LMBR1: variants seen among roughly 807,000 people sequenced by gnomAD.
The protein encoded by LMBR1 is limb development membrane protein 1.
LMBR1 carries 52 observed loss-of-function variants against 73.9 expected under a neutral mutation model. That is an observed-to-expected ratio of 0.70 (90% CI 0.56 to 0.89). The LOEUF (loss-of-function observed/expected upper bound fraction) is 0.89. Among genes scored for constraint, LMBR1 ranks in the 40% least tolerant of loss-of-function variants. The pLI is 0.00. For synonymous variants in LMBR1, 215 were observed against 209.4 expected (o/e 1.03, Z -0.23); for missense variants, 539 against 579.8 (o/e 0.93, Z 0.72).
At chr7:156,887,138 T>C (rs11765003) in intron 1 of LMBR1, among the ~76,000 whole-genome samples, 69,803 of 152,062 alleles carry the variant, frequency 0.46, 16,231 homozygotes, top group East Asian at 0.61. Context: ...ATATTCATAA[T>C]ACAAAAGACA....
At chr7:156,811,243 T>TC (rs1402226403) in intron 4 of LMBR1, among the ~76,000 whole-genome samples, 1 of 53,610 alleles carries the variant, frequency 1.9e-5, no homozygotes. Flanking sequence ...TAGAATTTTG[T>TC]TTTTTTACAT....
intron 9 of LMBR1, among the ~76,000 whole-genome samples, chr7:156,754,685 G>GA (rs1821529741): frequency 6.6e-6 from 1 of 151,932 alleles, no homozygotes; most frequent in African/African-American, 2.4e-5. Flanking sequence ...AAACACACTA[G>GA]TCATAATACT....
Position 156,683,860 on chromosome 7 carries a change from G to A in LMBR1, c.*218C>T. ...TGTTCTATATGTCTGTAAGGAATCT[G>A]CACTTAACTGGAAACTACAGGGTCC... On this transcript the variant is annotated 3_prime_UTR_variant, in exon 17 of 17. Coordinates refer to ENST00000353442, the MANE Select transcript of LMBR1 (RefSeq NM_022458.4). 1.9e-6 allele frequency: 1 copy of A among 513,458 alleles called. No individual in the cohort carries two copies. The highest frequency in any genetic ancestry group is 3.1e-5 in the South Asian group (1 of 32,308). The allele number at this position is 513,458 out of a possible 1,614,324, so 31.8% of individuals were successfully genotyped here.
intron 1 of LMBR1, among the ~76,000 whole-genome samples, chr7:156,889,796 C>T (rs1802574626): frequency 6.6e-6 from 1 of 152,150 alleles, no homozygotes. Flanking sequence ...GGAGACAGGT[C>T]TGGGCAACAC....
At chr7:156,776,822 A>G (rs1826221801) in intron 5 of LMBR1, among the ~76,000 whole-genome samples, 1 of 152,038 alleles carries the variant, frequency 6.6e-6, no homozygotes, top group Non-Finnish European at 1.5e-5. Flanking sequence ...AAAACTTTGT[A>G]TTATACAATC....
At chr7:156,704,918 ACAAAAAAGAAT>A (rs1810595923) in intron 15 of LMBR1, among the ~76,000 whole-genome samples, 1 of 152,084 alleles carries the variant, frequency 6.6e-6, no homozygotes, top group South Asian at 2.1e-4. Flanking sequence ...AGAAAAAGGA[ACAAAAAAGAAT>A]GAAGCCTTGG....
chr7:156,776,565 C>T (rs1235153626), intron 5 of LMBR1, among the ~76,000 whole-genome samples: 2 of 152,144 alleles, frequency 1.3e-5, no homozygotes, highest in Non-Finnish European at 2.9e-5. Context: ...AATTTCCTGT[C>T]TTTTCTTGTC....
At chr7:156,831,245 C>G (rs1227934335) in intron 3 of LMBR1, among the ~76,000 whole-genome samples, 1 of 149,090 alleles carries the variant, frequency 6.7e-6, no homozygotes, top group Non-Finnish European at 1.5e-5. Context: ...ATTAATTTCA[C>G]CCCTAATTGT....
At chr7:156,877,810 G>C (rs1021541085) in intron 1 of LMBR1, among the ~76,000 whole-genome samples, 1 of 151,780 alleles carries the variant, frequency 6.6e-6, no homozygotes, top group Non-Finnish European at 1.5e-5. Flanking sequence ...GTGAACCCGG[G>C]AGGCGGAGCT....
chr7:156,844,746 A>G (rs60761731), intron 1 of LMBR1, among the ~76,000 whole-genome samples: 12,457 of 152,164 alleles, frequency 0.082, 867 homozygotes, highest in African/African-American at 0.18. Flanking sequence ...ACCCACTGGG[A>G]TGCATGTCCT....
chr7:156,675,674 C>CGGCCCCCG, downstream of LMBR1: 1 of 1,494,144 alleles, frequency 6.7e-7, no homozygotes, highest in Middle Eastern at 1.7e-4. Context: ...TGTGAGCTTA[C>CGGCCCCCG]CCGCCCCCGC....
At chr7:156,700,993 T>A (rs1015481482) in intron 15 of LMBR1, among the ~76,000 whole-genome samples, 2 of 152,150 alleles carry the variant, frequency 1.3e-5, no homozygotes, top group African/African-American at 4.8e-5. Flanking sequence ...TGTGAGCTTG[T>A]GCAGGGAAAC....
intron 1 of LMBR1, among the ~76,000 whole-genome samples, chr7:156,866,717 C>T (rs1586331575): frequency 6.6e-6 from 1 of 151,240 alleles, no homozygotes; most frequent in East Asian, 1.9e-4. Context: ...GATTCTCCTG[C>T]CTCAGCCTCC....
Position 156,751,582 on chromosome 7 carries a change from G to C in LMBR1, c.757+4811C>G, listed in dbSNP as rs184025197. On this transcript the variant is annotated intron_variant, in intron 9 of 16. Coordinates refer to ENST00000353442, the MANE Select transcript of LMBR1 (RefSeq NM_022458.4). ...GACTCACTAGGCCCAAGACAGATAC[G>C]CACGGAAGCCATTAGGAAGCTACCG... 1.8e-3 allele frequency among the ~76,000 whole-genome samples: 267 copies of C among 152,296 alleles called. 2 individuals carry two copies. The highest frequency in any genetic ancestry group is 0.01 in the Middle Eastern group (3 of 294).
intron 4 of LMBR1, among the ~76,000 whole-genome samples, chr7:156,813,166 C>G (rs1203010294): frequency 2.0e-5 from 3 of 152,158 alleles, no homozygotes; most frequent in African/African-American, 7.2e-5. Context: ...TGGCTTCAAG[C>G]AATCCTCCCA....
At chr7:156,697,658 T>C (rs371594446) in intron 15 of LMBR1, among the ~76,000 whole-genome samples, 50 of 152,348 alleles carry the variant, frequency 3.3e-4, no homozygotes, top group African/African-American at 1.2e-3. Flanking sequence ...AAGAAAAACA[T>C]GGCTCTTTCT....
At chr7:156,754,331 T>A (rs1344777221) in intron 9 of LMBR1, among the ~76,000 whole-genome samples, 2 of 152,224 alleles carry the variant, frequency 1.3e-5, no homozygotes, top group African/African-American at 4.8e-5. Flanking sequence ...AGTAATATCA[T>A]AACTACCACA....
intron 5 of LMBR1, among the ~76,000 whole-genome samples, chr7:156,764,491 A>G (rs1256504319): frequency 6.6e-6 from 1 of 152,196 alleles, no homozygotes; most frequent in African/African-American, 2.4e-5. Context: ...AAACTGCAGG[A>G]TAAGACAAAA....
At chr7:156,850,212 A>T (rs1196975262) in intron 1 of LMBR1, among the ~76,000 whole-genome samples, 1 of 152,152 alleles carries the variant, frequency 6.6e-6, no homozygotes, top group East Asian at 1.9e-4. Flanking sequence ...TTATAAAAGC[A>T]AGTCTGGCCC....
Sources: gnomAD v4.1 joint callset for allele counts (sites outside exome capture counted in the v4.1 genomes callset) on GRCh38, gnomAD v4.1.1 for gene constraint, MANE v1.5 for transcripts, NCBI Gene and HGNC (gene_info 2026-07-23, HGNC 2026-07-21) for gene names.